MAP7: variants seen among roughly 807,000 people sequenced by gnomAD.
MAP7 encodes microtubule associated protein 7.
In MAP7, 52 loss-of-function variants were observed where a neutral mutation model predicts 94.8. That is an observed-to-expected ratio of 0.55 (90% CI 0.44 to 0.69). The LOEUF is 0.69. Ranked by LOEUF, MAP7 falls within the 30% of genes least tolerant of loss-of-function variation. MAP7 has a pLI of 0.00. For synonymous variants in MAP7, 350 were observed against 357.0 expected (o/e 0.98, Z 0.22); for missense variants, 940 against 964.6 (o/e 0.97, Z 0.34).
intron 3 of MAP7, among the ~76,000 whole-genome samples, chr6:136,389,992 T>A (rs1465517152): frequency 6.6e-6 from 1 of 152,206 alleles, no homozygotes; most frequent in East Asian, 1.9e-4. Flanking sequence ...GCCTTACAGG[T>A]CTATCACATT....
At chr6:136,416,627 G>A (rs749128557) in intron 2 of MAP7, among the ~76,000 whole-genome samples, 15 of 152,124 alleles carry the variant, frequency 9.9e-5, no homozygotes, top group Non-Finnish European at 1.9e-4. Context: ...GCAACATGGC[G>A]AAACCCTGTC....
intron 5 of MAP7, among the ~76,000 whole-genome samples, chr6:136,385,738 A>G (rs796622290): frequency 6.6e-6 from 1 of 152,324 alleles, no homozygotes; most frequent in Non-Finnish European, 1.5e-5. Context: ...TCACCGAACA[A>G]AACACACAAA....
Sources: gnomAD v4.1 joint callset for allele counts (sites outside exome capture counted in the v4.1 genomes callset) on GRCh38, gnomAD v4.1.1 for gene constraint, MANE v1.5 for transcripts, NCBI Gene and HGNC (gene_info 2026-07-23, HGNC 2026-07-21) for gene names.